The following XG variants were observed in gnomAD, a reference collection of about 807,000 sequenced individuals.
XG encodes the protein Xg glycoprotein (Xg blood group).
A neutral mutation model predicts 25.7 loss-of-function variants in XG; 24 were observed. That is an observed-to-expected ratio of 0.93 (90% CI 0.68 to 1.31). The LOEUF (loss-of-function observed/expected upper bound fraction) is 1.31. XG is among the 40% of genes most tolerant of loss of function. The pLI, the probability that XG is intolerant of heterozygous loss-of-function variation, is 0.00. For missense variants in XG, 181 were observed against 187.6 expected (o/e 0.96, Z 0.21); for synonymous variants, 77 against 69.2 (o/e 1.11, Z -0.56).
At chrX:2,756,993 A>G (rs1233140840) in intron 1 of XG, among the ~76,000 whole-genome samples, 1 of 152,204 alleles carries the variant, frequency 6.6e-6, no homozygotes, top group Admixed American at 6.5e-5. Flanking sequence ...TCCAGGAAGA[A>G]TCAGGTCACA....
chrX:2,798,354 G>C (rs2086904168), intron 7 of XG, among the ~76,000 whole-genome samples: 1 of 106,487 alleles, frequency 9.4e-6, no homozygotes, highest in South Asian at 4.2e-4. Flanking sequence ...TCAATGAATT[G>C]AGTAACCATC....
At chrX:2,790,706 A>T (rs184723285) in intron 5 of XG, among the ~76,000 whole-genome samples, 42 of 111,384 alleles carry the variant, frequency 3.8e-4, no homozygotes, top group Non-Finnish European at 6.8e-4. Context: ...AGGCTGAGGC[A>T]GGAGAATCGC....
intron 3 of XG, among the ~76,000 whole-genome samples, chrX:2,776,037 C>G (rs966772902): frequency 5.9e-5 from 9 of 151,852 alleles, no homozygotes; most frequent in African/African-American, 2.2e-4. Context: ...CGCCTGTAAT[C>G]CCAGCACTTT....
At position 2,814,832 on chromosome X, in the gene XG, C is replaced by A; in HGVS notation, c.*452C>A. The stretch of plus-strand genomic sequence containing the variant: ...AGGTTCCAAAGATGCTGGACCTGTG[C>A]TAAATTCTTCAGTGATATGAAAAAA... On this transcript the variant is annotated 3_prime_UTR_variant, in exon 11 of 11. Transcript: ENST00000644266. The A allele has an allele frequency of 8.6e-6, 1 of 116,837 alleles. No individual in the cohort carries two copies. The highest frequency in any genetic ancestry group is 1.8e-5 in the Non-Finnish European group (1 of 55,933). 9.6% of individuals were successfully genotyped at this position (116,837 alleles called of 1,213,427 possible).
chrX:2,759,275 C>T (rs888855955), intron 1 of XG, among the ~76,000 whole-genome samples: 1 of 152,174 alleles, frequency 6.6e-6, no homozygotes, highest in African/African-American at 2.4e-5. Flanking sequence ...TTACGCAGCC[C>T]CAAGTGTCAT....
intron 7 of XG, among the ~76,000 whole-genome samples, chrX:2,801,201 CTG>C (rs140400664): frequency 0.48 from 52,480 of 108,929 alleles, 11,158 homozygotes; most frequent in Admixed American, 0.68. Context: ...GCTATGCTGT[CTG>C]GGGTACATAC....
chrX:2,769,416 G>A (rs1431075514), intron 1 of XG, among the ~76,000 whole-genome samples: 1 of 152,200 alleles, frequency 6.6e-6, no homozygotes, highest in Admixed American at 6.5e-5. Context: ...CAGAACCTCA[G>A]TTTCTTCCTT....
intron 7 of XG, among the ~76,000 whole-genome samples, chrX:2,803,543 G>A (rs368750368): frequency 1.1e-3 from 120 of 109,997 alleles, no homozygotes; most frequent in South Asian, 4.4e-3. Flanking sequence ...ATAATTTGGC[G>A]GGTAGGGGCT....
intron 1 of XG, among the ~76,000 whole-genome samples, chrX:2,766,709 C>T (rs764232542): frequency 1.6e-4 from 24 of 151,102 alleles, no homozygotes; most frequent in Middle Eastern, 3.4e-3. Context: ...GGACTACAGG[C>T]GCCCGCCACC....
intron 2 of XG, among the ~76,000 whole-genome samples, chrX:2,771,766 A>G (rs1344632910): frequency 1.3e-5 from 2 of 152,210 alleles, no homozygotes; most frequent in Non-Finnish European, 2.9e-5. Flanking sequence ...GATCCTAAAA[A>G]GCCAACAACA....
At chrX:2,813,485 C>G (rs3907345) in intron 10 of XG, among the ~76,000 whole-genome samples, 2 of 112,330 alleles carry the variant, frequency 1.8e-5, no homozygotes, top group Admixed American at 9.5e-5. Flanking sequence ...AGCTGTCCAC[C>G]TCTCCTTAGT....
intron 3 of XG, among the ~76,000 whole-genome samples, chrX:2,777,181 G>C (rs1290955279): frequency 1.3e-5 from 2 of 152,144 alleles, no homozygotes; most frequent in Non-Finnish European, 2.9e-5. Context: ...GTGATTGTTA[G>C]CTGTTTAAAA....
chrX:2,783,042 A>G lies in XG; in HGVS notation c.190+914A>G, dbSNP rs752791874. The stretch of plus-strand genomic sequence containing the variant: ...GTTAGGTCTGACCTCTTTCACTGTC[A>G]TCATTTCCTCAGTCATAATTTTTGC... On this transcript the variant is annotated intron_variant, in intron 4 of 10. Transcript: ENST00000644266. 6.3e-5 allele frequency among the ~76,000 whole-genome samples: 7 copies of G among 111,276 alleles called. 1 individual carries two copies. In the East Asian group the frequency reaches 1.4e-3, roughly 23 times the overall value.
chrX:2,759,604 G>A (rs1161243450), intron 1 of XG, among the ~76,000 whole-genome samples: 1 of 152,166 alleles, frequency 6.6e-6, no homozygotes, highest in Non-Finnish European at 1.5e-5. Flanking sequence ...AAAAGTCTAT[G>A]GCTGTTTGGC....
chrX:2,770,427 T>C, intron 1 of XG, 123 bp from the exon 2 acceptor site: 2 of 1,010,312 alleles, frequency 2.0e-6, no homozygotes, highest in East Asian at 4.8e-5. Context: ...CATGGTCAGG[T>C]TAGTTTTAGT....
intron 7 of XG, 84 bp downstream of exon 7, chrX:2,797,444 G>T: frequency 9.4e-7 from 1 of 1,062,132 alleles, no homozygotes; most frequent in South Asian, 2.0e-5. Context: ...CTCTGCCCTG[G>T]GCCTTCTACC....
intron 9 of XG, among the ~76,000 whole-genome samples, chrX:2,810,928 GAAATAAATAAAT>G (rs146387414): frequency 2.0e-5 from 2 of 101,119 alleles, no homozygotes; most frequent in African/African-American, 3.8e-5. Flanking sequence ...AAAATAATAA[GAAATAAATAAAT>G]AAATAAATAA....
intron 5 of XG, among the ~76,000 whole-genome samples, chrX:2,790,544 C>T (rs2086827666): frequency 9.2e-6 from 1 of 108,507 alleles, no homozygotes; most frequent in South Asian, 4.0e-4. Flanking sequence ...CGCCTGTAAT[C>T]CCAGCACTTT....
At position 2,752,290 on chromosome X, in the gene XG, G is replaced by A. The variant is rs1197876446; in HGVS notation, c.16G>A (p.Gly6Arg). 6.2e-7 allele frequency: 1 copy of A among 1,613,606 alleles called. No individual in the cohort carries two copies. The highest frequency in any genetic ancestry group is 8.5e-7 in the Non-Finnish European group (1 of 1,179,812). The change falls in exon 1 of 11, where the codon GGA becomes AGA. Residue 6 changes from glycine (G) to arginine (R), a missense_variant. Gly to Arg is a moderately radical substitution (Grantham distance 125). Transcript: ENST00000644266. ...GAAGCAAACCATGGAGAGCTGGTGGGGACTTCCCTGTCTTGCGTTCCTGTG... is the reference window on the plus strand; with the variant it reads ...GAAGCAAACCATGGAGAGCTGGTGGAGACTTCCCTGTCTTGCGTTCCTGTG... MESWW[G>R]LPCLAFLCFL... is the part of the protein sequence containing the mutation.
Sources: allele counts gnomAD v4.1 joint callset (sites outside exome capture counted in the v4.1 genomes callset), GRCh38; gene constraint gnomAD v4.1.1; transcripts MANE v1.5; gene names NCBI Gene and HGNC (gene_info 2026-07-23, HGNC 2026-07-21).